The following SLC4A5 variants were observed in gnomAD, a reference collection of about 807,000 sequenced individuals.
The protein encoded by SLC4A5 is electrogenic sodium bicarbonate cotransporter 4.
A neutral mutation model predicts 120.4 loss-of-function variants in SLC4A5; 96 were observed. The observed-to-expected ratio is 0.80, with a 90% CI of 0.68 to 0.94. The LOEUF (loss-of-function observed/expected upper bound fraction) is 0.94, where lower values mean the gene tolerates loss of function less well. Ranked by LOEUF, SLC4A5 falls within the 40% of genes least tolerant of loss-of-function variation. The pLI is 0.00. For synonymous variants in SLC4A5, 550 were observed against 571.1 expected (o/e 0.96, Z 0.53); for missense variants, 1,259 against 1,459.5 (o/e 0.86, Z 2.24).
chr2:74,297,661 T>C (rs1356149891), intron 7 of SLC4A5, among the ~76,000 whole-genome samples: 2 of 152,202 alleles, frequency 1.3e-5, no homozygotes, highest in Non-Finnish European at 2.9e-5. Context: ...AAACACATTT[T>C]TTCCCCCCAG....
intron 7 of SLC4A5, among the ~76,000 whole-genome samples, chr2:74,288,727 C>T (rs914891446): frequency 3.9e-5 from 6 of 152,126 alleles, no homozygotes; most frequent in Non-Finnish European, 8.8e-5. Flanking sequence ...GGCAATACAC[C>T]CATGTGTATT....
At position 74,253,074 on chromosome 2, in the gene SLC4A5, T is replaced by C. The variant is rs142363748; in HGVS notation, c.1168A>G (p.Ile390Val). Reference sequence around the variant, plus strand: ...ATGACCTCATCCAGAAATTCATCAATTCCTGCGATCAGATCTTCCCGATTG... The same window carrying C: ...ATGACCTCATCCAGAAATTCATCAACTCCTGCGATCAGATCTTCCCGATTG... Residue 390 changes from isoleucine (I) to valine (V), a missense_variant, in exon 15 of 31, where the codon ATT becomes GTT. Coordinates refer to ENST00000394019, the Ensembl canonical transcript of SLC4A5. The C allele has an allele frequency of 8.0e-5, 129 of 1,614,198 alleles. No homozygotes were observed. Among genetic ancestry groups the C allele is most frequent in the Middle Eastern group, 1.6e-4 (1 of 6,062 alleles).
intron 7 of SLC4A5, among the ~76,000 whole-genome samples, chr2:74,301,214 A>G (rs1300687402): frequency 6.6e-6 from 1 of 152,214 alleles, no homozygotes; most frequent in Non-Finnish European, 1.5e-5. Flanking sequence ...GATTATTAAT[A>G]TTATACATTT....
chr2:74,254,816 C>A (rs1670909471), intron 13 of SLC4A5, 110 bp from the exon 14 acceptor site: 3 of 733,112 alleles, frequency 4.1e-6, no homozygotes, highest in Admixed American at 2.7e-5. Context: ...GAACAGTATG[C>A]ATTTTTTTTT....
intron 8 of SLC4A5, among the ~76,000 whole-genome samples, chr2:74,269,783 A>C (rs1671416908): frequency 6.6e-6 from 1 of 152,170 alleles, no homozygotes; most frequent in Non-Finnish European, 1.5e-5. Context: ...ATCCTAGGCC[A>C]GACAGTCTCA....
intron 3 of SLC4A5, among the ~76,000 whole-genome samples, chr2:74,337,689 C>T (rs1673526514): frequency 6.6e-6 from 1 of 152,204 alleles, no homozygotes; most frequent in African/African-American, 2.4e-5. Context: ...CAGGGCTCAG[C>T]ACATATTATT....
At position 74,224,917 on chromosome 2, in the gene SLC4A5, G is replaced by C. The variant is rs1334560965; in HGVS notation, c.3169C>G (p.Leu1057Val). 4 of 1,613,896 alleles carry C rather than the reference G, an allele frequency of 2.5e-6. No homozygotes were observed. The highest frequency in any genetic ancestry group is 3.4e-6 in the Non-Finnish European group (4 of 1,180,012). The change falls in exon 28 of 31, where the codon CTC (leucine) becomes GTC (valine). Residue 1057 changes from leucine to valine, a missense_variant. By Grantham distance (32) the Leu-to-Val change is conservative (BLOSUM62 1). Transcript: ENST00000394019. ...GTCTCCTTTTTTTCCTTCTCTGGGA[G>C]GATGTTGTCAATCCAGGCCAGGTCG...
At chr2:74,227,940 C>G (rs1307321917) in intron 25 of SLC4A5, 62 bp from the exon 26 acceptor site, 1 of 1,333,602 alleles carries the variant, frequency 7.5e-7, no homozygotes, top group East Asian at 2.5e-5. Context: ...CCACCCTGTT[C>G]TGGATGACAG....
chr2:74,220,472 C>A lies in SLC4A5; in HGVS notation c.*33+962G>T, dbSNP rs180811553. Among the ~76,000 whole-genome samples the A allele has an allele frequency of 8.9e-4, 135 of 152,306 alleles. 1 individual carries two copies. Among genetic ancestry groups the A allele is most frequent in the African/African-American group, 3.1e-3 (128 of 41,552 alleles). ...GATCCTTAGCGTTCATTTATCCTGG[C>A]TTTCAGTGATATTACACTTAAGCCA... On this transcript the variant is annotated intron_variant, in intron 30 of 30. Transcript: ENST00000394019.
At chr2:74,271,948 T>C (rs1260649578) in intron 8 of SLC4A5, among the ~76,000 whole-genome samples, 1 of 151,950 alleles carries the variant, frequency 6.6e-6, no homozygotes, top group Admixed American at 6.6e-5. Context: ...CCAGGTGTGG[T>C]GGCATATGCC....
intron 24 of SLC4A5, among the ~76,000 whole-genome samples, chr2:74,232,051 G>A (rs556177716): frequency 6.6e-6 from 1 of 152,178 alleles, no homozygotes; most frequent in African/African-American, 2.4e-5. Flanking sequence ...GGGAGCGGGG[G>A]TGATCCCAGG....
chr2:74,241,310 G>T (rs1257759530), intron 20 of SLC4A5, among the ~76,000 whole-genome samples: 1 of 149,762 alleles, frequency 6.7e-6, no homozygotes, highest in Non-Finnish European at 1.5e-5. Flanking sequence ...CTGTCACCGA[G>T]GCTGGAGTGC....
intron 4 of SLC4A5, among the ~76,000 whole-genome samples, chr2:74,331,336 G>A (rs889255972): frequency 9.2e-5 from 14 of 151,748 alleles, no homozygotes. Context: ...TAGGTGGTGA[G>A]GTATAGGTGA....
At position 74,273,252 on chromosome 2, in the gene SLC4A5, A is replaced by G. The variant is rs193089714; in HGVS notation, c.402-7988T>C. ...TTGAAGAGAAGCTTCTATCTATACT[A>G]TTTTGAATATCATTATAATTAAATA... On this transcript the variant is annotated intron_variant, in intron 8 of 30. Transcript: ENST00000394019. Among the ~76,000 whole-genome samples the G allele has an allele frequency of 4.6e-5, 7 of 152,352 alleles. No individual in the cohort carries two copies. The East Asian group carries it at 1.3e-3, about 29-fold the overall frequency.
intron 25 of SLC4A5, among the ~76,000 whole-genome samples, chr2:74,228,785 C>A (rs553247290): frequency 2.5e-4 from 38 of 152,194 alleles, no homozygotes; most frequent in African/African-American, 9.1e-4. Flanking sequence ...AATAGTTTGG[C>A]GGGTATCCTT....
intron 8 of SLC4A5, among the ~76,000 whole-genome samples, chr2:74,270,321 T>C (rs898801421): frequency 2.6e-5 from 4 of 152,228 alleles, no homozygotes; most frequent in Non-Finnish European, 5.9e-5. Flanking sequence ...CAAAGATCCA[T>C]AGCAATGGTT....
intron 11 of SLC4A5, among the ~76,000 whole-genome samples, chr2:74,260,721 A>C (rs1034047388): frequency 1.3e-5 from 2 of 152,060 alleles, no homozygotes; most frequent in African/African-American, 4.8e-5. Context: ...TCTGGAATGC[A>C]GGCTCAGTCT....
Position 74,255,966 on chromosome 2 carries a change from G to A in SLC4A5, c.868-34C>T, listed in dbSNP as rs1670953483. ...GGAGGGGAAACGAGATAGCCAAGGA[G>A]ACTCCCACCTGCTCTCACTCCCTCA... On this transcript the variant is annotated intron_variant, in intron 12 of 30. Transcript: ENST00000394019. This position sits in a 1 kb window ranked among gnomAD's most constrained non-coding sequence, Gnocchi z 4.0. 4 of 1,607,692 alleles carry A rather than the reference G, an allele frequency of 2.5e-6. No individual in the cohort carries two copies. In the African/African-American group the frequency reaches 5.3e-5, roughly 21 times the overall value.
intron 2 of SLC4A5, among the ~76,000 whole-genome samples, chr2:74,340,111 T>C (rs1673591923): frequency 6.6e-6 from 1 of 152,198 alleles, no homozygotes; most frequent in South Asian, 2.1e-4. Flanking sequence ...TGGAAATGGA[T>C]GGTGGTGATG....
Sources: gnomAD v4.1 joint callset for allele counts (sites outside exome capture counted in the v4.1 genomes callset) on GRCh38, gnomAD v4.1.1 for gene constraint, Gnocchi (gnomAD v3.1) non-coding constraint, MANE v1.5 for transcripts, NCBI Gene and HGNC (gene_info 2026-07-23, HGNC 2026-07-21) for gene names.